TRMT9B: variants seen among roughly 807,000 people sequenced by gnomAD.
TRMT9B encodes tRNA methyltransferase 9B (putative).
A neutral mutation model predicts 11.5 loss-of-function variants in TRMT9B; 16 were observed. The observed-to-expected ratio is 1.39, with a 90% CI of 0.94 to 2.11. The LOEUF (loss-of-function observed/expected upper bound fraction) is 2.11. TRMT9B is among the 30% of genes most tolerant of loss of function. TRMT9B has a pLI of 0.00. For missense variants in TRMT9B, 941 were observed against 553.8 expected (o/e 1.70, Z -7.02); for synonymous variants, 274 against 192.4 (o/e 1.42, Z -3.51).
intron 2 of TRMT9B, among the ~76,000 whole-genome samples, chr8:12,996,326 C>G (rs924158505): frequency 6.6e-6 from 1 of 152,164 alleles, no homozygotes; most frequent in Admixed American, 6.5e-5. Context: ...ACCTGGTGCC[C>G]TAACTGAAAC....
chr8:12,971,356 G>A (rs528659557), intron 1 of TRMT9B, among the ~76,000 whole-genome samples: 2 of 152,216 alleles, frequency 1.3e-5, no homozygotes, highest in South Asian at 2.1e-4. Context: ...CTTTGCCAGG[G>A]AACGGCGGGC....
chr8:12,981,096 C>A (rs1012341723), intron 1 of TRMT9B, among the ~76,000 whole-genome samples: 1 of 151,514 alleles, frequency 6.6e-6, no homozygotes, highest in Non-Finnish European at 1.5e-5. Context: ...TTTCTTTGAT[C>A]ACTGCAAGAG....
chr8:13,019,898 C>T (rs1813490760), intron 4 of TRMT9B, among the ~76,000 whole-genome samples: 1 of 152,162 alleles, frequency 6.6e-6, no homozygotes, highest in African/African-American at 2.4e-5. Context: ...ACACCTCTGG[C>T]TTTCTTACAT....
intron 2 of TRMT9B, among the ~76,000 whole-genome samples, chr8:13,005,254 G>T (rs758732669): frequency 6.6e-6 from 1 of 152,086 alleles, no homozygotes; most frequent in Non-Finnish European, 1.5e-5. Flanking sequence ...TGAACTCATG[G>T]TTATAGAGAG....
chr8:12,959,423 G>C (rs867597038), intron 1 of TRMT9B, among the ~76,000 whole-genome samples: 1 of 148,778 alleles, frequency 6.7e-6, no homozygotes, highest in Non-Finnish European at 1.5e-5. Flanking sequence ...TTGTCTTTAT[G>C]TCCATGCAAA....
intron 1 of TRMT9B, among the ~76,000 whole-genome samples, chr8:12,977,137 T>A (rs1393435062): frequency 6.6e-6 from 1 of 152,192 alleles, no homozygotes; most frequent in Admixed American, 6.5e-5. Context: ...GTTGCTGCCC[T>A]CTCCAGGTTG....
chr8:12,986,368 T>A (rs1806307805), intron 1 of TRMT9B, among the ~76,000 whole-genome samples: 1 of 152,196 alleles, frequency 6.6e-6, no homozygotes, highest in African/African-American at 2.4e-5. Flanking sequence ...TCATTGAACA[T>A]TGTAAAAATA....
At chr8:13,007,377 T>G (rs1237563751) in intron 3 of TRMT9B, 1 of 152,226 alleles carries the variant, frequency 6.6e-6, no homozygotes, top group African/African-American at 2.4e-5. Flanking sequence ...GACTAAGACT[T>G]AAAATGTGGT....
chr8:13,006,645 T>G (rs185064982), intron 3 of TRMT9B: 1 of 1,348,574 alleles, frequency 7.4e-7, no homozygotes, highest in Admixed American at 3.2e-5. Context: ...CAGCAGCAAG[T>G]AAAAAACTTT....
intron 1 of TRMT9B, among the ~76,000 whole-genome samples, chr8:12,956,610 T>C (rs887597039): frequency 5.3e-5 from 8 of 152,230 alleles, no homozygotes; most frequent in African/African-American, 1.9e-4. Context: ...TGAACCACAA[T>C]ACAAAGGAAG....
intron 1 of TRMT9B, among the ~76,000 whole-genome samples, chr8:12,981,226 C>T (rs1361939749): frequency 2.6e-5 from 4 of 152,178 alleles, no homozygotes; most frequent in Admixed American, 2.0e-4. Flanking sequence ...GCAAGAGTTT[C>T]TCTCCATGAT....
chr8:13,010,997 T>A (rs925687881), intron 3 of TRMT9B: 4 of 880,644 alleles, frequency 4.5e-6, no homozygotes, highest in Non-Finnish European at 5.4e-6. Flanking sequence ...CTTTTTCTTT[T>A]TTGAGACAAA....
At chr8:13,009,810 T>C (rs1037079885) in intron 3 of TRMT9B, among the ~76,000 whole-genome samples, 4 of 152,178 alleles carry the variant, frequency 2.6e-5, no homozygotes, top group African/African-American at 4.8e-5. Flanking sequence ...TACATGTTGT[T>C]TGCTGTATTT....
At chr8:13,016,530 GTA>G (rs1284766530) in intron 4 of TRMT9B, among the ~76,000 whole-genome samples, 1 of 151,332 alleles carries the variant, frequency 6.6e-6, no homozygotes, top group Non-Finnish European at 1.5e-5. Context: ...AAATATATAA[GTA>G]TATATATATT....
chr8:13,001,662 A>G (rs570589522), intron 2 of TRMT9B, among the ~76,000 whole-genome samples: 2 of 152,296 alleles, frequency 1.3e-5, no homozygotes, highest in African/African-American at 4.8e-5. Flanking sequence ...AGTATTATAG[A>G]CCCAATAATT....
intron 3 of TRMT9B, chr8:13,010,681 G>C: frequency 1.0e-6 from 1 of 984,686 alleles, no homozygotes; most frequent in Non-Finnish European, 1.2e-6. Context: ...GTATGAGTCT[G>C]ATTTTATTAA....
At chr8:12,985,912 G>T (rs930931966) in intron 1 of TRMT9B, among the ~76,000 whole-genome samples, 2 of 151,964 alleles carry the variant, frequency 1.3e-5, no homozygotes, top group Non-Finnish European at 2.9e-5. Context: ...CCAGGCTTGA[G>T]TGCTGTGGCG....
At chr8:12,986,902 G>T (rs1345444213) in intron 1 of TRMT9B, among the ~76,000 whole-genome samples, 5 of 151,710 alleles carry the variant, frequency 3.3e-5, no homozygotes, top group African/African-American at 1.2e-4. Flanking sequence ...CTTCATTGTG[G>T]ACCCATCCAT....
At chr8:12,955,731 C>T (rs1332515605) in intron 1 of TRMT9B, among the ~76,000 whole-genome samples, 7 of 152,094 alleles carry the variant, frequency 4.6e-5, no homozygotes, top group Non-Finnish European at 8.8e-5. Flanking sequence ...CTAACTATTT[C>T]GAGCAGGAAG....
Sources: gnomAD v4.1 joint callset for allele counts (sites outside exome capture counted in the v4.1 genomes callset) on GRCh38, gnomAD v4.1.1 for gene constraint, MANE v1.5 for transcripts, NCBI Gene and HGNC (gene_info 2026-07-23, HGNC 2026-07-21) for gene names.